OSBPL10: variants seen among roughly 807,000 people sequenced by gnomAD.
OSBPL10 encodes oxysterol binding protein like 10, also known as oxysterol-binding protein-related protein 10.
A neutral mutation model predicts 81.7 loss-of-function variants in OSBPL10; 49 were observed. The ratio of observed to expected loss-of-function variants is 0.60; its 90% CI spans 0.48 to 0.76. OSBPL10 has a LOEUF of 0.76. Ranked by LOEUF, OSBPL10 falls within the 30% of genes least tolerant of loss-of-function variation. The pLI, the probability that OSBPL10 is intolerant of heterozygous loss-of-function variation, is 0.00. For missense variants in OSBPL10, 923 were observed against 987.8 expected, an observed-to-expected ratio of 0.93 and a Z score of 0.88; for synonymous variants, 419 against 383.6, an observed-to-expected ratio of 1.09 and a Z score of -1.08.
chr3:31,665,534 C>T (rs1337864028), intron 10 of OSBPL10, among the ~76,000 whole-genome samples: 1 of 152,146 alleles, frequency 6.6e-6, no homozygotes, highest in African/African-American at 2.4e-5. Context: ...GAACTAGGGA[C>T]AGCCAGCAGC....
chr3:31,981,064 C>T lies in OSBPL10; in HGVS notation c.116G>A (p.Gly39Glu). The change falls in exon 1 of 12, where the codon GGG (glycine) becomes GAG (glutamate). Residue 39 changes from glycine (G) to glutamate (E), a missense_variant. Physicochemically the swap from Gly to Glu is moderately conservative, Grantham distance 98 (BLOSUM62 -2). This residue lies in a region of OSBPL10 where 514 missense variants were observed against 508.0 expected (regional missense o/e 1.01). Transcript: ENST00000396556. The surrounding 1 kb of genome is among the most constrained non-coding windows in gnomAD (Gnocchi z 4.5). ...SSPSCSLAGRGVSSRSAAAGL... is the reference protein window; with the variant it reads ...SSPSCSLAGREVSSRSAAAGL... The stretch of plus-strand genomic sequence containing the variant: ...GGCCGCCGCCGACCGGCTGGAGACC[C>T]CCCGGCCCGCCAGAGAGCAGGAGGG... The T allele has an allele frequency of 2.0e-6, 3 of 1,491,104 alleles. No homozygotes were observed. The highest frequency in any genetic ancestry group is 8.9e-7 in the Non-Finnish European group (1 of 1,124,592). The allele number at this position is 1,491,104 out of a possible 1,614,324, so 92.4% of individuals were successfully genotyped here. A position where few individuals can be genotyped will look rare whatever the true frequency, so the allele number is the denominator to read the frequency against.
chr3:31,991,090 G>T, intron 2 of OSBPL10: 1 of 1,062,724 alleles, frequency 9.4e-7, no homozygotes, highest in South Asian at 1.6e-5. Context: ...ATTCAGCATT[G>T]ACTTGAGTTT....
intron 3 of OSBPL10, among the ~76,000 whole-genome samples, chr3:31,863,823 C>T (rs555332071): frequency 1.3e-5 from 2 of 152,144 alleles, no homozygotes; most frequent in South Asian, 2.1e-4. Flanking sequence ...TGATCAAATA[C>T]AAAACAATAA....
chr3:31,755,830 T>C (rs116650861), intron 4 of OSBPL10, among the ~76,000 whole-genome samples: 6 of 152,272 alleles, frequency 3.9e-5, no homozygotes, highest in African/African-American at 1.4e-4. Context: ...AATTCTGAAT[T>C]GCACCTACAC....
intron 2 of OSBPL10, among the ~76,000 whole-genome samples, chr3:31,994,095 T>C (rs975406): frequency 0.35 from 52,761 of 152,116 alleles, 12,810 homozygotes; most frequent in African/African-American, 0.68. Context: ...GTGAATCTCA[T>C]ATGCATTATG....
intron 1 of OSBPL10, among the ~76,000 whole-genome samples, chr3:31,902,729 A>AT (rs1696286598): frequency 6.6e-6 from 1 of 151,916 alleles, no homozygotes; most frequent in South Asian, 2.1e-4. Context: ...CGCCTGGCTA[A>AT]TTTTTTTTGT....
At position 31,988,320 on chromosome 3, in the gene OSBPL10, G is replaced by A. The variant is rs79009849; in HGVS notation, n.298+58171C>T. Reference sequence around the variant, plus strand: ...ACCTGACTTAGATGGTGAGATTGTGGACTTGAAGCTAGTGCAGTAATGGGA... The same window carrying A: ...ACCTGACTTAGATGGTGAGATTGTGAACTTGAAGCTAGTGCAGTAATGGGA... On this transcript the variant is annotated intron_variant and non_coding_transcript_variant, in intron 2 of 3. Transcript: ENST00000479173. Among the ~76,000 whole-genome samples, 697 of 152,270 alleles carry A rather than the reference G, an allele frequency of 4.6e-3. 5 individuals are homozygous for A. The highest frequency in any genetic ancestry group is 0.016 in the African/African-American group (660 of 41,542).
chr3:31,819,735 GTCT>G (rs968714109), intron 4 of OSBPL10, among the ~76,000 whole-genome samples: 9 of 152,230 alleles, frequency 5.9e-5, no homozygotes, highest in African/African-American at 2.2e-4. Flanking sequence ...TCTCATGATG[GTCT>G]TTTTTGCTGT....
intron 1 of OSBPL10, among the ~76,000 whole-genome samples, chr3:31,913,091 A>C (rs1294760470): frequency 6.6e-6 from 1 of 152,156 alleles, no homozygotes; most frequent in Non-Finnish European, 1.5e-5. Context: ...CTAAAATGCC[A>C]TTTGGGGTTG....
In OSBPL10 at chr3:32,000,280, G is replaced by A. The variant is rs117552950; in HGVS notation, n.298+46211C>T. ...GACAGAGTTAGCACTCTAGATAAAG[G>A]AGAAAAACTAAGATCAGAGTTATAT... On this transcript the variant is annotated intron_variant and non_coding_transcript_variant, in intron 2 of 3. Coordinates refer to the OSBPL10 transcript ENST00000479173. Among the ~76,000 whole-genome samples the A allele has an allele frequency of 2.8e-4, 42 of 152,268 alleles. No individual in the cohort carries two copies. In the East Asian group the frequency reaches 7.5e-3, roughly 27 times the overall value.
chr3:31,713,196 G>A lies in OSBPL10; in HGVS notation c.1096-10688C>T, dbSNP rs187413679. ...GACTGTGGCCCGTGAGGCCCTACAC[G>A]ATGTTGCCCCCACGACTTCTCTACT... On this transcript the variant is annotated intron_variant, in intron 6 of 11. Transcript: ENST00000396556. Among the ~76,000 whole-genome samples the A allele has an allele frequency of 3.1e-3, 479 of 152,172 alleles. 2 individuals carry two copies. Among genetic ancestry groups the A allele is most frequent in the African/African-American group, 0.011 (451 of 41,514 alleles).
At chr3:31,828,686 C>T (rs1261311480) in intron 4 of OSBPL10, among the ~76,000 whole-genome samples, 1 of 152,204 alleles carries the variant, frequency 6.6e-6, no homozygotes, top group Non-Finnish European at 1.5e-5. Flanking sequence ...TCACGCGCCA[C>T]CATGCCCAGC....
intron 4 of OSBPL10, among the ~76,000 whole-genome samples, chr3:31,825,560 C>T (rs1041751584): frequency 6.6e-6 from 1 of 152,110 alleles, no homozygotes; most frequent in African/African-American, 2.4e-5. Context: ...TCAAGCAATC[C>T]TCCCATCTCG....
chr3:31,747,996 G>A lies in OSBPL10; in HGVS notation c.854C>T (p.Thr285Ile), dbSNP rs1173183414. ...GAGGCACTCCCCAAGGCAGCTGAGGGTGGCAGCAGAGGTAGCTTTCAGGAG... is the reference window on the plus strand; with the variant it reads ...GAGGCACTCCCCAAGGCAGCTGAGGATGGCAGCAGAGGTAGCTTTCAGGAG... Reference protein sequence around the residue: ...LLLLKATSAATLSCLGECLNL... With the variant: ...LLLLKATSAAILSCLGECLNL... The change falls in exon 5 of 12, where the codon ACC (threonine) becomes ATC (isoleucine). Residue 285 changes from threonine (T) to isoleucine (I), a missense_variant. Thr to Ile is a moderately conservative substitution (Grantham distance 89). Transcript: ENST00000396556. 2.5e-6 allele frequency: 4 copies of A among 1,614,060 alleles called. No individual in the cohort carries two copies. Among genetic ancestry groups the A allele is most frequent in the African/African-American group, 1.3e-5 (1 of 74,942 alleles).
intron 1 of OSBPL10, among the ~76,000 whole-genome samples, chr3:31,927,961 G>A (rs1697124261): frequency 6.6e-6 from 1 of 152,074 alleles, no homozygotes; most frequent in South Asian, 2.1e-4. Context: ...CAGGTAAGGA[G>A]TAAGAAATAA....
At chr3:32,075,660 G>A (rs1029616844) in intron 1 of OSBPL10, among the ~76,000 whole-genome samples, 3 of 152,070 alleles carry the variant, frequency 2.0e-5, no homozygotes, top group African/African-American at 7.2e-5. Context: ...CCCGCTTGAA[G>A]CAGCCCTGAG....
chr3:32,072,242 C>A (rs1435548023), intron 1 of OSBPL10, among the ~76,000 whole-genome samples: 1 of 152,158 alleles, frequency 6.6e-6, no homozygotes, highest in African/African-American at 2.4e-5. Context: ...TTCTCAAGGC[C>A]GCTTTACTTC....
intron 3 of OSBPL10, among the ~76,000 whole-genome samples, chr3:31,867,767 G>GGGAGGAAGGAAGGGAGGAAGGA: frequency 7.4e-6 from 1 of 135,370 alleles, no homozygotes. Context: ...GGAAGGAAGG[G>GGGAGGAAGGAAGGGAGGAAGGA]AGGGAGGGAG....
rs563521185 is a variant in OSBPL10, at chr3:32,012,259, C to T, written n.298+34232G>A. Among the ~76,000 whole-genome samples the T allele has an allele frequency of 5.9e-3, 902 of 152,300 alleles. 7 individuals are homozygous for T. Among genetic ancestry groups the T allele is most frequent in the African/African-American group, 0.02 (851 of 41,556 alleles). ...AGCTGATCTCTCGGCAGAAACTCTA[C>T]AAGCCAGAAGAGAGTGGGGGCCAAT... On this transcript the variant is annotated intron_variant and non_coding_transcript_variant, in intron 2 of 3. Transcript: ENST00000479173.
Sources: allele counts gnomAD v4.1 joint callset (sites outside exome capture counted in the v4.1 genomes callset), GRCh38; gene constraint gnomAD v4.1.1; regional missense constraint gnomAD v4.1.1; non-coding constraint Gnocchi (gnomAD v3.1); transcripts MANE v1.5; gene names NCBI Gene and HGNC (gene_info 2026-07-23, HGNC 2026-07-21).